MAGI1: variants seen among roughly 807,000 people sequenced by gnomAD.
MAGI1 encodes membrane associated guanylate kinase, WW and PDZ domain containing 1.
A neutral mutation model predicts 139.9 loss-of-function variants in MAGI1; 58 were observed. The ratio of observed to expected loss-of-function variants is 0.41; its 90% CI spans 0.34 to 0.52. MAGI1 has a LOEUF of 0.52. Ranked by LOEUF, MAGI1 falls within the 20% of genes least tolerant of loss-of-function variation. MAGI1 has a pLI of 0.12. For missense variants in MAGI1, 1,874 were observed against 1,901.6 expected, an observed-to-expected ratio of 0.99 and a Z score of 0.27; for synonymous variants, 812 against 737.9, an observed-to-expected ratio of 1.10 and a Z score of -1.63.
chr3:65,574,592 C>G (rs894516865), intron 2 of MAGI1, among the ~76,000 whole-genome samples: 5 of 151,748 alleles, frequency 3.3e-5, no homozygotes, highest in African/African-American at 1.2e-4. Context: ...TACGTTTTGT[C>G]AAAATGGACA....
At position 66,037,993 on chromosome 3, in the gene MAGI1, T is replaced by C; in HGVS notation, c.313+3A>G. The C allele has an allele frequency of 6.4e-7, 1 of 1,568,010 alleles. No homozygotes were observed. The highest frequency in any genetic ancestry group is 8.7e-7 in the Non-Finnish European group (1 of 1,155,726). On this transcript the variant is annotated splice_donor_region_variant and intron_variant, in intron 1 of 22. Coordinates refer to ENST00000402939, the MANE Select transcript of MAGI1 (RefSeq NM_001033057.2). ...CGCCCCCCAAAGGCGCGCCCTGCCT[T>C]ACCTTGTCTGACGGCCTTGAAGGTG...
intron 1 of MAGI1, among the ~76,000 whole-genome samples, chr3:65,700,986 T>A (rs1246014540): frequency 6.6e-6 from 1 of 152,188 alleles, no homozygotes; most frequent in Non-Finnish European, 1.5e-5. Context: ...CAACCGCCCC[T>A]TTTTAACACA....
At chr3:65,935,489 G>A (rs2063006819) in intron 1 of MAGI1, among the ~76,000 whole-genome samples, 1 of 152,146 alleles carries the variant, frequency 6.6e-6, no homozygotes, top group Non-Finnish European at 1.5e-5. Flanking sequence ...GACTGTGGTG[G>A]TATGTGCCTG....
chr3:65,448,044 G>T lies in MAGI1; in HGVS notation c.1056C>A (p.Thr352=), dbSNP rs746246071. 3.1e-6 allele frequency: 5 copies of T among 1,613,876 alleles called. No homozygotes were observed. In the African/African-American group the frequency reaches 6.7e-5, roughly 22 times the overall value. ...TACCTAGTTCACTGTCCAGCTCCTC[G>T]GTGTGTACCCCTTCTTCTCCAAAGG... The part of the protein sequence containing the change: ...EECEDDEGVH[T]EELDSELELP... Residue 352 remains threonine (T), a synonymous_variant, in exon 7 of 23, where the codon ACC becomes ACA. Coordinates refer to ENST00000402939, the MANE Select transcript of MAGI1 (RefSeq NM_001033057.2).
In MAGI1 at chr3:65,701,634, C is replaced by T. The variant is rs138385869; in HGVS notation, c.314-79546G>A. ...GGCTCCCTTGAGCTTCCAAGACAGA[C>T]CCCAAATAAAGGCACTTTTATTATA... On this transcript the variant is annotated intron_variant, in intron 1 of 22. Coordinates refer to ENST00000402939, the MANE Select transcript of MAGI1 (RefSeq NM_001033057.2). 1.4e-3 allele frequency among the ~76,000 whole-genome samples: 219 copies of T among 152,068 alleles called. 1 individual carries two copies. The highest frequency in any genetic ancestry group is 5.1e-3 in the African/African-American group (210 of 41,470).
At chr3:65,549,614 G>A (rs2079719051) in intron 2 of MAGI1, 1 of 332,458 alleles carries the variant, frequency 3.0e-6, no homozygotes. Flanking sequence ...TTCACACTCC[G>A]GGCTGCGGCT....
intron 1 of MAGI1, among the ~76,000 whole-genome samples, chr3:65,908,657 TA>T (rs1344986020): frequency 6.6e-6 from 1 of 152,282 alleles, no homozygotes; most frequent in Admixed American, 6.5e-5. Flanking sequence ...CTCCATGAAA[TA>T]AGTGAGGTTG....
intron 5 of MAGI1, among the ~76,000 whole-genome samples, chr3:65,463,640 CAA>C (rs59932813): frequency 0.3 from 45,737 of 150,078 alleles, 8,509 homozygotes; most frequent in East Asian, 0.73. Flanking sequence ...GCTGGCCTCA[CAA>C]AAAGAGTTAG....
At chr3:65,999,970 C>T (rs894519353) in intron 1 of MAGI1, among the ~76,000 whole-genome samples, 4 of 94,624 alleles carry the variant, frequency 4.2e-5, no homozygotes, top group Admixed American at 2.8e-4. Flanking sequence ...GTTCCCCCCA[C>T]GCTTTTTTTT....
chr3:65,759,705 T>G (rs1018361966), intron 1 of MAGI1, among the ~76,000 whole-genome samples: 5 of 152,224 alleles, frequency 3.3e-5, no homozygotes, highest in African/African-American at 9.6e-5. Context: ...AGAAAGGTCT[T>G]CATTTCAACG....
rs915231086 is a variant in MAGI1, at chr3:65,504,924, T to A, written c.431-11293A>T. Among the ~76,000 whole-genome samples, 3 of 152,076 alleles carry A rather than the reference T, an allele frequency of 2.0e-5. No individual in the cohort carries two copies. In the East Asian group the frequency reaches 5.8e-4, roughly 29 times the overall value. ...TTCATTAAAGTCAGGAACATGAGAGTTCTCAGGTTGTAACTGATTCATTTC... is the reference window on the plus strand; with the variant it reads ...TTCATTAAAGTCAGGAACATGAGAGATCTCAGGTTGTAACTGATTCATTTC... On this transcript the variant is annotated intron_variant, in intron 2 of 22. Coordinates refer to ENST00000402939, the MANE Select transcript of MAGI1 (RefSeq NM_001033057.2).
intron 2 of MAGI1, among the ~76,000 whole-genome samples, chr3:65,608,346 C>G (rs982784063): frequency 2.0e-4 from 31 of 151,932 alleles, no homozygotes; most frequent in Admixed American, 5.9e-4. Flanking sequence ...GAGGCTAAGG[C>G]AGGAGAATCA....
intron 12 of MAGI1, among the ~76,000 whole-genome samples, chr3:65,425,133 C>A (rs12496104): frequency 0.13 from 9,051 of 70,750 alleles, 1,160 homozygotes; most frequent in Middle Eastern, 0.18. Context: ...AAAAAAAAAA[C>A]AAAAAAAAAC....
intron 10 of MAGI1, among the ~76,000 whole-genome samples, chr3:65,431,376 A>G (rs545830057): frequency 2.8e-4 from 42 of 152,354 alleles, no homozygotes; most frequent in Non-Finnish European, 5.7e-4. Context: ...ACCAGAAAAC[A>G]TATTATAGTC....
chr3:65,853,437 C>T (rs535063808), intron 1 of MAGI1, among the ~76,000 whole-genome samples: 54 of 152,200 alleles, frequency 3.5e-4, no homozygotes, highest in Admixed American at 1.0e-3. Context: ...ATACTTTGTG[C>T]TGACGAAATT....
Position 65,862,865 on chromosome 3 carries a change from A to G in MAGI1, c.313+175131T>C, listed in dbSNP as rs144074797. On this transcript the variant is annotated intron_variant, in intron 1 of 22. Transcript: ENST00000402939. ...ATAGATTTCTCACAGATTAAGTCACAGAGGTTCTGGAGTTTCTCTGTTATG... is the reference window on the plus strand; with the variant it reads ...ATAGATTTCTCACAGATTAAGTCACGGAGGTTCTGGAGTTTCTCTGTTATG... Among the ~76,000 whole-genome samples the G allele has an allele frequency of 3.1e-3, 470 of 152,318 alleles. 1 individual carries two copies. Among genetic ancestry groups the G allele is most frequent in the Non-Finnish European group, 5.1e-3 (344 of 68,024 alleles).
At chr3:65,526,933 G>A (rs1343929952) in intron 2 of MAGI1, among the ~76,000 whole-genome samples, 6 of 151,966 alleles carry the variant, frequency 3.9e-5, no homozygotes. Context: ...GCAGGAGTGA[G>A]AAAGGAAAAA....
chr3:65,869,549 C>T (rs911517369), intron 1 of MAGI1, among the ~76,000 whole-genome samples: 40 of 151,566 alleles, frequency 2.6e-4, no homozygotes, highest in African/African-American at 9.7e-4. Context: ...TACAGGCACC[C>T]GCCACCACAC....
intron 1 of MAGI1, among the ~76,000 whole-genome samples, chr3:66,032,557 T>C (rs1167445287): frequency 6.6e-6 from 1 of 151,572 alleles, no homozygotes; most frequent in Non-Finnish European, 1.5e-5. Context: ...AATACAGCAG[T>C]GAACAAGAGA....
Sources: allele counts gnomAD v4.1 joint callset (sites outside exome capture counted in the v4.1 genomes callset), GRCh38; gene constraint gnomAD v4.1.1; transcripts MANE v1.5; gene names NCBI Gene and HGNC (gene_info 2026-07-23, HGNC 2026-07-21).